The following CRY1 variants were observed in gnomAD, a reference collection of about 807,000 sequenced individuals.
CRY1 encodes the protein cryptochrome-1.
In CRY1, 45 loss-of-function variants were observed where a neutral mutation model predicts 76.0. That is an observed-to-expected ratio of 0.59 (90% CI 0.47 to 0.76). The LOEUF (loss-of-function observed/expected upper bound fraction) is 0.76. CRY1 is among the 30% of genes least tolerant of loss of function. The pLI is 0.00. For synonymous variants in CRY1, 248 were observed against 244.0 expected, an observed-to-expected ratio of 1.02 and a Z score of -0.15; for missense variants, 587 against 716.4, an observed-to-expected ratio of 0.82 and a Z score of 2.06.
intron 1 of CRY1, among the ~76,000 whole-genome samples, chr12:107,043,599 AG>A (rs1952821965): frequency 6.6e-6 from 1 of 152,192 alleles, no homozygotes; most frequent in South Asian, 2.1e-4. Context: ...TCTGCTCTAC[AG>A]GCCAAACAGC....
At chr12:107,042,464 A>T (rs894780128) in intron 1 of CRY1, among the ~76,000 whole-genome samples, 12 of 152,170 alleles carry the variant, frequency 7.9e-5, no homozygotes, top group African/African-American at 2.9e-4. Flanking sequence ...ATATCCCCTG[A>T]TATAAAAAAA....
chr12:107,033,620 G>C (rs1307701225), intron 1 of CRY1, among the ~76,000 whole-genome samples: 1 of 151,878 alleles, frequency 6.6e-6, no homozygotes, highest in Non-Finnish European at 1.5e-5. Flanking sequence ...CTCATTCATA[G>C]AATAAAGAAG....
chr12:107,000,538 T>C (rs960573288), intron 5 of CRY1, among the ~76,000 whole-genome samples: 7 of 152,054 alleles, frequency 4.6e-5, no homozygotes, highest in Middle Eastern at 6.3e-3. Context: ...TTAGTAGGGA[T>C]GGGATTTCAC....
intron 1 of CRY1, among the ~76,000 whole-genome samples, chr12:107,023,689 C>T (rs1207467451): frequency 1.3e-5 from 2 of 152,180 alleles, no homozygotes; most frequent in Admixed American, 1.3e-4. Flanking sequence ...AGACATCCCA[C>T]CATTTCACCT....
intron 1 of CRY1, among the ~76,000 whole-genome samples, chr12:107,080,818 A>G (rs1451813146): frequency 4.6e-5 from 7 of 152,040 alleles, no homozygotes; most frequent in Non-Finnish European, 1.0e-4. Flanking sequence ...GTCAGCCACT[A>G]TTAGACATCT....
intron 1 of CRY1, among the ~76,000 whole-genome samples, chr12:107,081,921 G>T (rs1479340472): frequency 1.3e-5 from 2 of 151,992 alleles, no homozygotes; most frequent in African/African-American, 4.8e-5. Flanking sequence ...ATGGAGCCTA[G>T]CAAGAGGTAT....
chr12:107,081,074 A>G (rs1953318844), intron 1 of CRY1, among the ~76,000 whole-genome samples: 1 of 152,142 alleles, frequency 6.6e-6, no homozygotes, highest in Non-Finnish European at 1.5e-5. Context: ...CTCGTTTTGA[A>G]AAGAGACAGC....
In CRY1 at chr12:106,999,947, T is replaced by G; in HGVS notation, c.820A>C (p.Lys274Gln). Reference protein sequence around the residue: ...LFYFKLTDLYKKVKKNSSPPL... With the variant: ...LFYFKLTDLYQKVKKNSSPPL... ...GCTCTAATTTTAGAGAATACCTTTT[T>G]GTAGAGATCTGTTAGTTTGAAGTAA... The change falls in exon 6 of 13, where the codon AAA (lysine) becomes CAA (glutamine). Residue 274 changes from lysine to glutamine, a missense_variant. By Grantham distance (53) the Lys-to-Gln change is moderately conservative. Coordinates refer to ENST00000008527, the MANE Select transcript of CRY1 (RefSeq NM_004075.5). 1 of 1,599,352 alleles carries G rather than the reference T, an allele frequency of 6.3e-7. No individual in the cohort carries two copies. The highest frequency in any genetic ancestry group is 8.5e-7 in the Non-Finnish European group (1 of 1,176,482).
chr12:106,995,774 C>T (rs1466578441), intron 10 of CRY1, among the ~76,000 whole-genome samples: 53 of 152,148 alleles, frequency 3.5e-4, no homozygotes, highest in Non-Finnish European at 4.4e-5. Context: ...TTAAGACCAG[C>T]ATGCATTAGC....
At chr12:107,071,483 ATT>A (rs1953190229) in intron 1 of CRY1, among the ~76,000 whole-genome samples, 2 of 152,172 alleles carry the variant, frequency 1.3e-5, no homozygotes, top group South Asian at 4.1e-4. Context: ...AATTCTACAC[ATT>A]GTTTCCTCTT....
At chr12:107,088,916 A>G (rs143574968) in intron 1 of CRY1, among the ~76,000 whole-genome samples, 1 of 152,286 alleles carries the variant, frequency 6.6e-6, no homozygotes, top group Admixed American at 6.5e-5. Flanking sequence ...TAGCTTCCCC[A>G]GTCCTAAGGA....
At position 107,001,778 on chromosome 12, in the gene CRY1, G is replaced by T. The variant is rs1416930614; in HGVS notation, c.581C>A (p.Ser194Ter). 1.3e-6 allele frequency: 2 copies of T among 1,557,206 alleles called. No individual in the cohort carries two copies. The highest frequency in any genetic ancestry group is 1.3e-5 in the South Asian group (1 of 79,588). The change falls in exon 4 of 13, where the codon TCA becomes TAA. Residue 194 changes from serine (S) to a stop codon, truncating the protein, a stop_gained. Transcript: ENST00000008527. LOFTEE classifies it high-confidence loss of function. Reference sequence around the variant, plus strand: ...TTTACACTCACCTAGCTCTTCCAGTGAAGGGACTCCATATTTCTCATCATG... The same window carrying T: ...TTTACACTCACCTAGCTCTTCCAGTTAAGGGACTCCATATTTCTCATCATG... ...DDHDEKYGVP[S>*]LEELGFDTDG...
At chr12:107,005,005 T>A in intron 3 of CRY1, 101 bp downstream of exon 3, 1 of 1,045,222 alleles carries the variant, frequency 9.6e-7, no homozygotes, top group African/African-American at 1.6e-5. Flanking sequence ...AAAACTTATC[T>A]ATGTAGTTAA....
chr12:107,059,328 T>C (rs1227167430), intron 1 of CRY1, among the ~76,000 whole-genome samples: 1 of 152,176 alleles, frequency 6.6e-6, no homozygotes, highest in African/African-American at 2.4e-5. Context: ...CACAGCTCAC[T>C]GCAGCCTCAA....
In CRY1 at chr12:107,009,563, CATATATATATAT is replaced by C. The variant is rs869185018; in HGVS notation, c.268-4327_268-4316del. Among the ~76,000 whole-genome samples the C allele has an allele frequency of 3.7e-4, 34 of 90,964 alleles. 1 individual carries two copies. Among genetic ancestry groups the C allele is most frequent in the South Asian group, 2.4e-3 (7 of 2,930 alleles). 59.7% of individuals were successfully genotyped at this position (90,964 alleles called of 152,430 possible). The stretch of plus-strand genomic sequence containing the variant: ...CAGAAAAAACAAAAAAACAAAAAAA[CATATATATATAT>C]ATATATATATATATATATATATATA... On this transcript the variant is annotated intron_variant, in intron 2 of 12. Coordinates refer to ENST00000008527, the MANE Select transcript of CRY1 (RefSeq NM_004075.5).
chr12:107,021,835 T>C (rs1242888652), intron 2 of CRY1, among the ~76,000 whole-genome samples: 1 of 152,136 alleles, frequency 6.6e-6, no homozygotes, highest in African/African-American at 2.4e-5. Flanking sequence ...GTAGTAGCTG[T>C]TGCTTCTGGG....
intron 1 of CRY1, among the ~76,000 whole-genome samples, chr12:107,079,915 G>T (rs1167590785): frequency 1.3e-5 from 2 of 152,072 alleles, no homozygotes; most frequent in African/African-American, 2.4e-5. Flanking sequence ...ATTTTAAAAA[G>T]ATCACTCTAC....
intron 1 of CRY1, among the ~76,000 whole-genome samples, chr12:107,034,798 A>C (rs1315874309): frequency 6.6e-6 from 1 of 152,224 alleles, no homozygotes; most frequent in Non-Finnish European, 1.5e-5. Context: ...GCAAATAAGT[A>C]CTATCGATAC....
At chr12:107,076,461 A>G (rs1953253045) in intron 1 of CRY1, among the ~76,000 whole-genome samples, 1 of 151,948 alleles carries the variant, frequency 6.6e-6, no homozygotes, top group Non-Finnish European at 1.5e-5. Flanking sequence ...AAATACAAAA[A>G]TTAGCCAGGC....
Sources: gnomAD v4.1 joint callset for allele counts (sites outside exome capture counted in the v4.1 genomes callset) on GRCh38, gnomAD v4.1.1 for gene constraint, MANE v1.5 for transcripts, NCBI Gene and HGNC (gene_info 2026-07-23, HGNC 2026-07-21) for gene names.